Variants in STXBP4 observed in about 807,000 individuals in gnomAD.
The protein encoded by STXBP4 is syntaxin binding protein 4.
Under a neutral mutation model 76.1 loss-of-function variants are expected in STXBP4, and 55 were observed. The observed-to-expected ratio is 0.72, with a 90% CI of 0.58 to 0.91. The LOEUF (loss-of-function observed/expected upper bound fraction) is 0.91, where lower values mean the gene tolerates loss of function less well. STXBP4 is among the 40% of genes least tolerant of loss of function. STXBP4 has a pLI of 0.00. For missense variants in STXBP4, 618 were observed against 636.9 expected (o/e 0.97, Z 0.32); for synonymous variants, 201 against 220.2 (o/e 0.91, Z 0.77).
chr17:54,980,129 G>GT (rs1316661151), intron 1 of STXBP4, among the ~76,000 whole-genome samples: 5 of 152,146 alleles, frequency 3.3e-5, no homozygotes, highest in Non-Finnish European at 7.4e-5. Context: ...ATTGTGCCTG[G>GT]TTTTTTCTTC....
intron 16 of STXBP4, among the ~76,000 whole-genome samples, chr17:55,089,131 A>G (rs1484905355): frequency 6.6e-6 from 1 of 152,192 alleles, no homozygotes; most frequent in African/African-American, 2.4e-5. Context: ...GAAAGATTAA[A>G]TGTAGTACAT....
intron 12 of STXBP4, among the ~76,000 whole-genome samples, chr17:55,059,652 C>T (rs1220531259): frequency 6.6e-6 from 1 of 152,014 alleles, no homozygotes; most frequent in Non-Finnish European, 1.5e-5. Context: ...TGGTCAGCAA[C>T]AGGAGAAATA....
At chr17:55,136,589 C>G (rs1378753260) in intron 16 of STXBP4, among the ~76,000 whole-genome samples, 1 of 152,054 alleles carries the variant, frequency 6.6e-6, no homozygotes. Flanking sequence ...CTTCCCATCT[C>G]CGTATTCAGT....
At chr17:55,004,835 GAAT>G (rs1304139135) in intron 7 of STXBP4, among the ~76,000 whole-genome samples, 1 of 151,980 alleles carries the variant, frequency 6.6e-6, no homozygotes, top group Non-Finnish European at 1.5e-5. Flanking sequence ...AGAGCCAAGA[GAAT>G]AATAAGCCAT....
At chr17:54,979,694 C>G (rs2077522127) in intron 1 of STXBP4, among the ~76,000 whole-genome samples, 1 of 152,136 alleles carries the variant, frequency 6.6e-6, no homozygotes, top group Admixed American at 6.5e-5. Flanking sequence ...TAGCTTCTGA[C>G]AAAGCACTTT....
At chr17:55,025,003 T>G (rs2078386249) in intron 8 of STXBP4, among the ~76,000 whole-genome samples, 3 of 151,576 alleles carry the variant, frequency 2.0e-5, no homozygotes, top group Non-Finnish European at 4.4e-5. Context: ...TAGCCGGGCA[T>G]GGTGGCGGGT....
intron 13 of STXBP4, 74 bp from the exon 14 acceptor site, chr17:55,078,004 A>G: frequency 1.1e-6 from 1 of 914,960 alleles, no homozygotes; most frequent in Non-Finnish European, 1.7e-6. Context: ...ATTAGTTCAT[A>G]AAAACTGAAA....
At chr17:55,100,516 A>T (rs1156746363) in intron 16 of STXBP4, among the ~76,000 whole-genome samples, 14 of 152,262 alleles carry the variant, frequency 9.2e-5, no homozygotes, top group Admixed American at 9.2e-4. Context: ...AACAACCTAG[A>T]ACTAACAAAA....
chr17:54,975,547 A>G (rs558477213), intron 1 of STXBP4, among the ~76,000 whole-genome samples: 1 of 152,196 alleles, frequency 6.6e-6, no homozygotes, highest in East Asian at 1.9e-4. Context: ...AAGGCAGAAA[A>G]CTAGGGAAAG....
intron 6 of STXBP4, chr17:55,000,360 C>T (rs529931460): frequency 1.6e-6 from 1 of 623,268 alleles, no homozygotes; most frequent in South Asian, 7.1e-5. Context: ...CAATTACTAA[C>T]TGCTATATTA....
At chr17:55,134,692 A>G (rs244308) in intron 16 of STXBP4, among the ~76,000 whole-genome samples, 96,978 of 151,952 alleles carry the variant, frequency 0.64, 31,813 homozygotes, top group African/African-American at 0.79. Context: ...AGATCATTTC[A>G]TCCTATTATT....
chr17:54,995,750 G>C (rs1216914122), intron 4 of STXBP4, among the ~76,000 whole-genome samples: 1 of 152,192 alleles, frequency 6.6e-6, no homozygotes, highest in Non-Finnish European at 1.5e-5. Flanking sequence ...CAGTCCCACT[G>C]GTGGGAGCTG....
At chr17:55,071,997 A>G (rs1467537129) in intron 12 of STXBP4, among the ~76,000 whole-genome samples, 3 of 152,128 alleles carry the variant, frequency 2.0e-5, no homozygotes, top group East Asian at 1.9e-4. Flanking sequence ...ACCAAGGTAC[A>G]TTTTTTTCCC....
At chr17:54,979,314 A>G (rs1209111711) in intron 1 of STXBP4, among the ~76,000 whole-genome samples, 6 of 152,162 alleles carry the variant, frequency 3.9e-5, no homozygotes, top group Non-Finnish European at 7.4e-5. Context: ...TAGCATTTTT[A>G]GATACTTCTG....
rs2080413286 is a variant in STXBP4 at position 55,172,673 on chromosome 17, C to G, written c.*12762C>G. 6.6e-6 allele frequency: 1 copy of G among 152,170 alleles called. No individual in the cohort carries two copies. The highest frequency in any genetic ancestry group is 6.5e-5 in the Admixed American group (1 of 15,284). 9.4% of individuals were successfully genotyped at this position (152,170 alleles called of 1,614,324 possible). On this transcript the variant is annotated 3_prime_UTR_variant, in exon 18 of 18. Transcript: ENST00000376352. ...GTTTAAAGTTTGCATCTCGTAATAA[C>G]TTGGTGAGATAGGGCAAGCATTATT...
intron 1 of STXBP4, among the ~76,000 whole-genome samples, chr17:54,975,547 A>C (rs558477213): frequency 6.6e-6 from 1 of 152,314 alleles, no homozygotes; most frequent in South Asian, 2.1e-4. Context: ...AAGGCAGAAA[A>C]CTAGGGAAAG....
chr17:54,973,654 T>G (rs1052007091), intron 1 of STXBP4, among the ~76,000 whole-genome samples: 2 of 152,252 alleles, frequency 1.3e-5, no homozygotes, highest in African/African-American at 4.8e-5. Flanking sequence ...CTGCAATTTT[T>G]GTGAGTCTGA....
At chr17:55,057,919 G>A (rs1241313802) in intron 12 of STXBP4, among the ~76,000 whole-genome samples, 3 of 152,156 alleles carry the variant, frequency 2.0e-5, no homozygotes, top group Admixed American at 6.5e-5. Context: ...ATTCCATGAT[G>A]TATATATGCC....
intron 12 of STXBP4, among the ~76,000 whole-genome samples, chr17:55,072,403 C>T (rs1332095049): frequency 2.0e-5 from 3 of 152,048 alleles, no homozygotes; most frequent in African/African-American, 4.8e-5. Flanking sequence ...TGGCTTAAAC[C>T]AAAAGGGAGA....
Sources: allele counts gnomAD v4.1 joint callset (sites outside exome capture counted in the v4.1 genomes callset), GRCh38; gene constraint gnomAD v4.1.1; transcripts MANE v1.5; gene names NCBI Gene and HGNC (gene_info 2026-07-23, HGNC 2026-07-21).